Variants in PARVB observed in about 807,000 individuals in gnomAD.
PARVB encodes the protein beta-parvin.
PARVB carries 46 observed loss-of-function variants against 47.0 expected under a neutral mutation model. That is an observed-to-expected ratio of 0.98 (90% CI 0.77 to 1.25). PARVB has a LOEUF of 1.25. Among genes scored for constraint, PARVB ranks in the 50% most tolerant of loss-of-function variants. The pLI is 0.00. For synonymous variants in PARVB, 196 were observed against 196.3 expected, an observed-to-expected ratio of 1.00 and a Z score of 0.01; for missense variants, 473 against 471.6, an observed-to-expected ratio of 1.00 and a Z score of -0.03.
At chr22:44,104,037 A>G (rs1235977740) in intron 3 of PARVB, 1 of 152,236 alleles carries the variant, frequency 6.6e-6, no homozygotes, top group Non-Finnish European at 1.5e-5. Flanking sequence ...AACTAACACC[A>G]TCCTGTTCTC....
chr22:44,077,343 C>G (rs2051799940), intron 1 of PARVB, among the ~76,000 whole-genome samples: 1 of 152,170 alleles, frequency 6.6e-6, no homozygotes, highest in Admixed American at 6.6e-5. Flanking sequence ...TGTCTCTGTC[C>G]TCTCCTCTTC....
rs778892864 is a variant in PARVB, at chr22:44,163,943, G to A, written c.1018+13G>A. On this transcript the variant is annotated intron_variant, in intron 12 of 12. Coordinates refer to ENST00000338758, the MANE Select transcript of PARVB (RefSeq NM_013327.5). The stretch of plus-strand genomic sequence containing the variant: ...GCTCGTCCTGAAGGTAATGCCCCTG[G>A]CTCAGGTTCCCCCGGGAGAGGTGCG... 14 of 1,603,742 alleles carry A rather than the reference G, an allele frequency of 8.7e-6. No homozygotes were observed. The highest frequency in any genetic ancestry group is 1.7e-4 in the Middle Eastern group (1 of 6,050).
At chr22:44,146,404 A>G (rs1297762214) in intron 8 of PARVB, 1 of 151,510 alleles carries the variant, frequency 6.6e-6, no homozygotes, top group African/African-American at 2.4e-5. Context: ...CACACACGCA[A>G]ACACGTGCCC....
intron 2 of PARVB, among the ~76,000 whole-genome samples, chr22:44,096,251 G>T (rs1160493890): frequency 2.6e-5 from 4 of 152,058 alleles, no homozygotes; most frequent in African/African-American, 9.7e-5. Flanking sequence ...AAAATAATTA[G>T]CCAGGCATGG....
chr22:44,136,175 G>A (rs1259014927), intron 6 of PARVB, among the ~76,000 whole-genome samples: 1 of 152,030 alleles, frequency 6.6e-6, no homozygotes, highest in Non-Finnish European at 1.5e-5. Flanking sequence ...CCTGACCTGG[G>A]GTGTTTCTCC....
intron 11 of PARVB, 37 bp downstream of exon 11, chr22:44,158,120 G>T: frequency 1.5e-6 from 2 of 1,366,156 alleles, no homozygotes; most frequent in South Asian, 1.2e-5. Context: ...AGGGGCTCAA[G>T]AAATGCTCAT....
intron 1 of PARVB, among the ~76,000 whole-genome samples, chr22:44,039,171 C>A (rs961042767): frequency 5.9e-5 from 9 of 152,138 alleles, no homozygotes; most frequent in Non-Finnish European, 1.0e-4. Context: ...AGGAAATCAG[C>A]TTGGTAGTTT....
intron 1 of PARVB, among the ~76,000 whole-genome samples, chr22:44,043,559 C>T (rs146746470): frequency 0.014 from 2,135 of 151,916 alleles, 54 homozygotes; most frequent in African/African-American, 0.048. Context: ...TTGTATTTTT[C>T]GTAGAGACAG....
intron 8 of PARVB, chr22:44,142,817 G>C (rs913991024): frequency 2.0e-5 from 3 of 152,224 alleles, no homozygotes; most frequent in Non-Finnish European, 4.4e-5. Flanking sequence ...ATGCAAACAG[G>C]CTATTAGTCG....
intron 12 of PARVB, 112 bp from the exon 13 acceptor site, chr22:44,168,490 C>CTG (rs1279070522): frequency 6.7e-6 from 5 of 747,050 alleles, no homozygotes; most frequent in Non-Finnish European, 1.2e-5. Context: ...AGGGGAAGCG[C>CTG]TGTGTGTGGA....
At chr22:44,003,293 C>T (rs1012541317) in intron 2 of PARVB, among the ~76,000 whole-genome samples, 6 of 152,196 alleles carry the variant, frequency 3.9e-5, no homozygotes, top group Admixed American at 6.5e-5. Context: ...CAGAAATTAC[C>T]GTTCATCTAA....
intron 4 of PARVB, among the ~76,000 whole-genome samples, chr22:44,121,544 C>T (rs544572918): frequency 1.5e-5 from 2 of 135,956 alleles, no homozygotes; most frequent in East Asian, 4.5e-4. Context: ...CTTTTCTTCT[C>T]CTGTGTCCTT....
At chr22:44,034,803 C>T (rs755743480) in intron 1 of PARVB, among the ~76,000 whole-genome samples, 7 of 150,726 alleles carry the variant, frequency 4.6e-5, no homozygotes, top group African/African-American at 4.9e-5. Context: ...CCCTGCCTCC[C>T]AGGTTCAAGT....
chr22:44,154,152 A>T (rs1462917372), intron 10 of PARVB, among the ~76,000 whole-genome samples: 1 of 152,212 alleles, frequency 6.6e-6, no homozygotes, highest in Non-Finnish European at 1.5e-5. Flanking sequence ...AGCCTCTTAC[A>T]TTGAGACTCT....
At chr22:44,150,050 G>C (rs562645246) in intron 9 of PARVB, 1 of 152,158 alleles carries the variant, frequency 6.6e-6, no homozygotes, top group Non-Finnish European at 1.5e-5. Flanking sequence ...CCAGCTACTC[G>C]GGAGGCTGAG....
intron 1 of PARVB, among the ~76,000 whole-genome samples, chr22:44,025,816 C>G (rs573935862): frequency 1.3e-5 from 2 of 152,204 alleles, no homozygotes; most frequent in Non-Finnish European, 2.9e-5. Flanking sequence ...ATTATAGACG[C>G]AAGTGACGCT....
intron 10 of PARVB, 97 bp downstream of exon 10, chr22:44,151,648 T>C: frequency 1.1e-6 from 1 of 940,732 alleles, no homozygotes; most frequent in Non-Finnish European, 1.7e-6. Flanking sequence ...CTGGCGCCAT[T>C]TTGTTCATCT....
At chr22:44,139,935 C>T in intron 7 of PARVB, 189 bp from the exon 8 acceptor site, 1 of 631,890 alleles carries the variant, frequency 1.6e-6, no homozygotes, top group Non-Finnish European at 2.9e-6. Context: ...ACACAAGCAC[C>T]TCTCGTTTAT....
chr22:44,026,975 G>A (rs968603149), intron 1 of PARVB, among the ~76,000 whole-genome samples: 1 of 151,958 alleles, frequency 6.6e-6, no homozygotes, highest in African/African-American at 2.4e-5. Flanking sequence ...TAGGAAATGT[G>A]GGGCCCTGGG....
Sources: allele counts gnomAD v4.1 joint callset (sites outside exome capture counted in the v4.1 genomes callset), GRCh38; gene constraint gnomAD v4.1.1; transcripts MANE v1.5; gene names NCBI Gene and HGNC (gene_info 2026-07-23, HGNC 2026-07-21).